SLC26A9: variants seen among roughly 807,000 people sequenced by gnomAD.
The protein encoded by SLC26A9 is solute carrier family 26 member 9.
In SLC26A9, 46 loss-of-function variants were observed where a neutral mutation model predicts 87.1. That is an observed-to-expected ratio of 0.53 (90% CI 0.42 to 0.67). The LOEUF is 0.67. Among genes scored for constraint, SLC26A9 ranks in the 30% least tolerant of loss-of-function variants. SLC26A9 has a pLI of 0.00. For synonymous variants in SLC26A9, 437 were observed against 409.1 expected, an observed-to-expected ratio of 1.07 and a Z score of -0.82; for missense variants, 927 against 1,018.3, an observed-to-expected ratio of 0.91 and a Z score of 1.22.
chr1:205,929,914 G>C lies in SLC26A9; in HGVS notation c.695C>G (p.Thr232Arg), dbSNP rs1164968860. The change falls in exon 6 of 21, where the codon ACA becomes AGA. Residue 232 changes from threonine (T) to arginine (R), a missense_variant. By Grantham distance (71) the Thr-to-Arg change is moderately conservative. Coordinates refer to ENST00000367135, the MANE Select transcript of SLC26A9 (RefSeq NM_052934.4). ...YIFGLTIPSY[T>R]GPGSIVFTFI... ...CACAAAGACGATGGACCCTGGGCCT[G>C]TGTAGGAGGGGATGGTCAGTCCGAA... 3.1e-6 allele frequency: 5 copies of C among 1,610,034 alleles called. No individual in the cohort carries two copies. The Middle Eastern group carries it at 6.6e-4, about 212-fold the overall frequency.
rs1571753208 is a variant in SLC26A9, at chr1:205,933,230, G to A, written c.126-146C>T. ...TGTGCCAGGGATATTGAGAAGAAAA[G>A]GCAGGAACTTTTTCTTGAGAGCTCA... On this transcript the variant is annotated intron_variant, in intron 2 of 20. Transcript: ENST00000367135. 5 of 1,243,836 alleles carry A rather than the reference G, an allele frequency of 4.0e-6. No homozygotes were observed. The East Asian group carries it at 7.2e-5, about 18-fold the overall frequency. 77.0% of individuals were successfully genotyped at this position (1,243,836 alleles called of 1,614,324 possible).
Position 205,927,509 on chromosome 1 carries a change from C to T in SLC26A9, c.1198G>A (p.Ala400Thr), listed in dbSNP as rs371663342. ...AGGCTCACCTGGGATTTTCCTCCAG[C>T]TCCATCCACAGCCAGAGTGACAGAA... ...ALSVTLAVDGAGGKSQVASLC... is the reference protein window; with the variant it reads ...ALSVTLAVDGTGGKSQVASLC... Residue 400 changes from alanine (A) to threonine (T), a missense_variant, in exon 10 of 21, where the codon GCT (alanine) becomes ACT (threonine). Ala to Thr is a moderately conservative substitution (Grantham distance 58, BLOSUM62 0). Coordinates refer to ENST00000367135, the MANE Select transcript of SLC26A9 (RefSeq NM_052934.4). The T allele has an allele frequency of 8.1e-6, 13 of 1,613,890 alleles. No individual in the cohort carries two copies. The African/African-American group carries it at 1.6e-4, about 20-fold the overall frequency.
In SLC26A9 at chr1:205,923,577, A is replaced by G; in HGVS notation, c.1533T>C (p.Thr511=). The change falls in exon 14 of 21, where the codon ACT becomes ACC. Residue 511 remains threonine, a synonymous_variant. Coordinates refer to ENST00000367135, the MANE Select transcript of SLC26A9 (RefSeq NM_052934.4). ...NGYALAQVMD[T]DIYVNPKTYN... is the part of the protein sequence containing the mutation. ...AGGTCTTGGGATTCACATAAATGTC[A>G]GTGTCCATGACCTGGGCCAGTGCAT... The G allele has an allele frequency of 1.2e-6, 2 of 1,614,226 alleles. No homozygotes were observed. The highest frequency in any genetic ancestry group is 1.7e-6 in the Non-Finnish European group (2 of 1,180,040).
In SLC26A9 at chr1:205,914,734, T is replaced by G; in HGVS notation, c.*623A>C. 1 of 862,798 alleles carries G rather than the reference T, an allele frequency of 1.2e-6. No individual in the cohort carries two copies. Among genetic ancestry groups the G allele is most frequent in the Non-Finnish European group, 1.8e-6 (1 of 568,340 alleles). The allele number at this position is 862,798 out of a possible 1,614,324, so 53.4% of individuals were successfully genotyped here. On this transcript the variant is annotated 3_prime_UTR_variant, in exon 21 of 21. Coordinates refer to ENST00000367135, the MANE Select transcript of SLC26A9 (RefSeq NM_052934.4). ...CTGATGTGCTTGCTGACAGCAGTGG[T>G]GGTTTGGGCAGCCTTGGGGATGATG...
chr1:205,922,779 A>T (rs1658896403), intron 16 of SLC26A9, among the ~76,000 whole-genome samples: 1 of 152,174 alleles, frequency 6.6e-6, no homozygotes, highest in Admixed American at 6.5e-5. Flanking sequence ...GGCACCTGTA[A>T]TCTCAGCGAC....
At chr1:205,918,258 A>G (rs1296205327) in intron 19 of SLC26A9, among the ~76,000 whole-genome samples, 3 of 152,152 alleles carry the variant, frequency 2.0e-5, no homozygotes, top group Non-Finnish European at 4.4e-5. Context: ...CCAAGGAGGT[A>G]GGCTTTTTCT....
At chr1:205,915,967 C>T (rs1658576333) in intron 20 of SLC26A9, among the ~76,000 whole-genome samples, 1 of 152,196 alleles carries the variant, frequency 6.6e-6, no homozygotes, top group South Asian at 2.1e-4. Context: ...GACACTACTT[C>T]TCATAGACCC....
At position 205,924,388 on chromosome 1, in the gene SLC26A9, AG is replaced by A; in HGVS notation, c.1490del (p.Thr497IlefsTer19). The A allele has an allele frequency of 6.2e-7, 1 of 1,614,108 alleles. No homozygotes were observed. The part of the protein sequence containing the change: ...AFSVLVVVFQ[T>X]QFRNGYALAQ... Reference sequence around the variant, plus strand: ...GGGCGGAAGCTATCACTTACAACTGAGTCTGGAAGACCACGACCAGGACGGA... The same window carrying A: ...GGGCGGAAGCTATCACTTACAACTGATCTGGAAGACCACGACCAGGACGGA... On this transcript the variant is annotated frameshift_variant, in exon 13 of 21. Transcript: ENST00000367135. LOFTEE classifies it high-confidence loss of function.
rs991190260 is a variant in SLC26A9 at position 205,923,664 on chromosome 1, G to A, written c.1497-51C>T. 1.9e-6 allele frequency: 3 copies of A among 1,606,976 alleles called. No homozygotes were observed. The Admixed American group carries it at 5.0e-5, about 27-fold the overall frequency. Reference sequence around the variant, plus strand: ...ATAAGAGAATGCTAATGGCACATGGGCCTGGAAGGGTGCCCCTGCTGGGGC... The same window carrying A: ...ATAAGAGAATGCTAATGGCACATGGACCTGGAAGGGTGCCCCTGCTGGGGC... On this transcript the variant is annotated intron_variant, in intron 13 of 20. Coordinates refer to ENST00000367135, the MANE Select transcript of SLC26A9 (RefSeq NM_052934.4).
At chr1:205,933,607 A>G (rs1659395671) in intron 2 of SLC26A9, among the ~76,000 whole-genome samples, 1 of 152,170 alleles carries the variant, frequency 6.6e-6, no homozygotes, top group South Asian at 2.1e-4. Flanking sequence ...GCACAGGGGC[A>G]CTTAGTAAAT....
chr1:205,929,778 A>G, intron 6 of SLC26A9, 114 bp downstream of exon 6: 1 of 1,325,038 alleles, frequency 7.5e-7, no homozygotes, highest in East Asian at 2.5e-5. Context: ...CTCTCTGAAC[A>G]ACAGCTAAGC....
intron 6 of SLC26A9, among the ~76,000 whole-genome samples, chr1:205,929,641 G>T (rs1330772206): frequency 2.6e-5 from 4 of 152,220 alleles, no homozygotes; most frequent in African/African-American, 9.6e-5. Flanking sequence ...TCCAGGCAGG[G>T]AGGGGTTGAG....
intron 19 of SLC26A9, among the ~76,000 whole-genome samples, chr1:205,917,693 A>G (rs925468840): frequency 2.6e-5 from 4 of 152,192 alleles, no homozygotes; most frequent in East Asian, 3.8e-4. Flanking sequence ...TTCAAGTCTG[A>G]TAACCAGCCT....
In SLC26A9 at chr1:205,913,830, T is replaced by C. The variant is rs1343022056; in HGVS notation, c.*1527A>G. ...CCCCTCCTTTAACTCTAAGAAGACT[T>C]GTTAGCTGACCAGCTCACTCAACAC... On this transcript the variant is annotated 3_prime_UTR_variant, in exon 21 of 21. Coordinates refer to ENST00000367135, the MANE Select transcript of SLC26A9 (RefSeq NM_052934.4). 1.3e-5 allele frequency: 2 copies of C among 152,442 alleles called. No individual in the cohort carries two copies. The highest frequency in any genetic ancestry group is 2.9e-5 in the Non-Finnish European group (2 of 68,036). 9.4% of individuals were successfully genotyped at this position (152,442 alleles called of 1,614,324 possible).
Position 205,919,001 on chromosome 1 carries a change from A to T in SLC26A9, c.2111-16T>A. On this transcript the variant is annotated splice_polypyrimidine_tract_variant and intron_variant, in intron 18 of 20. Transcript: ENST00000367135. ...TACACCTGGGCTAGAAGGAGAAAAG[A>T]TCACCTTCAGAAAGATAACAGCCAT... The T allele has an allele frequency of 6.2e-7, 1 of 1,613,480 alleles. No individual in the cohort carries two copies. Among genetic ancestry groups the T allele is most frequent in the South Asian group, 1.1e-5 (1 of 91,050 alleles).
rs759943945 is a variant in SLC26A9, at chr1:205,927,305, T to G, written c.1216-17A>C. On this transcript the variant is annotated splice_polypyrimidine_tract_variant and intron_variant, in intron 10 of 20. Transcript: ENST00000367135. The stretch of plus-strand genomic sequence containing the variant: ...GCTGGCCACCTATTCCGAGAAAGAG[T>G]TGGGGATAGAGGGAAGGTGTGAAAT... 6.2e-7 allele frequency: 1 copy of G among 1,611,256 alleles called. No homozygotes were observed. Among genetic ancestry groups the G allele is most frequent in the East Asian group, 2.2e-5 (1 of 44,738 alleles).
chr1:205,920,064 G>T, intron 18 of SLC26A9, 112 bp downstream of exon 18: 1 of 1,193,774 alleles, frequency 8.4e-7, no homozygotes, highest in East Asian at 2.4e-5. Flanking sequence ...GCTTGTGGGG[G>T]ATAGCTGGGT....
intron 1 of SLC26A9, 78 bp downstream of exon 1, chr1:205,943,287 T>G (rs1233657823): frequency 2.0e-5 from 3 of 152,094 alleles, no homozygotes; most frequent in Non-Finnish European, 4.4e-5. Context: ...TCATCCCTCC[T>G]CTCGGTACCC....
rs773397958 is a variant in SLC26A9, at chr1:205,927,220, A to C, written c.1284T>G (p.Pro428=). 6.2e-7 allele frequency: 1 copy of C among 1,614,006 alleles called. No homozygotes were observed. Among genetic ancestry groups the C allele is most frequent in the Admixed American group, 1.7e-5 (1 of 60,006 alleles). The change falls in exon 11 of 21, where the codon CCT becomes CCG. Residue 428 remains proline, a synonymous_variant. Transcript: ENST00000367135. The part of the protein sequence containing the change: ...TMLVLGIYLY[P]LPKSVLGALI... ...ATGGCTGGGCTCTTACCTTAGGGAG[A>C]GGATACAGATAGATCCCCAGGACCA...
Sources: gnomAD v4.1 joint callset for allele counts (sites outside exome capture counted in the v4.1 genomes callset) on GRCh38, gnomAD v4.1.1 for gene constraint, MANE v1.5 for transcripts, NCBI Gene and HGNC (gene_info 2026-07-23, HGNC 2026-07-21) for gene names.